The following ATP10A variants were observed in gnomAD, a reference collection of about 807,000 sequenced individuals.
ATP10A encodes the protein ATPase phospholipid transporting 10A (putative), also known as phospholipid-transporting ATPase VA.
In ATP10A, 111 loss-of-function variants were observed where a neutral mutation model predicts 147.8. The observed-to-expected ratio is 0.75, with a 90% CI of 0.64 to 0.88. The LOEUF (loss-of-function observed/expected upper bound fraction) is 0.88. Among genes scored for constraint, ATP10A ranks in the 40% least tolerant of loss-of-function variants. The pLI is 0.00. For missense variants in ATP10A, 1,927 were observed against 1,959.0 expected (o/e 0.98, Z 0.31); for synonymous variants, 875 against 841.6 (o/e 1.04, Z -0.69).
At chr15:25,787,738 T>G (rs1890236570) in intron 1 of ATP10A, among the ~76,000 whole-genome samples, 1 of 152,190 alleles carries the variant, frequency 6.6e-6, no homozygotes, top group Admixed American at 6.5e-5. Context: ...TCAGTCCATT[T>G]GCCAAAACCA....
At chr15:25,688,287 G>A (rs924392935) in intron 15 of ATP10A, among the ~76,000 whole-genome samples, 4 of 152,188 alleles carry the variant, frequency 2.6e-5, no homozygotes, top group Non-Finnish European at 5.9e-5. Context: ...CCTGGGAGGT[G>A]CATTTTGGGC....
Position 25,694,958 on chromosome 15 carries a change from G to A in ATP10A, c.2949C>T (p.Leu983=), listed in dbSNP as rs748707740. Residue 983 remains leucine (L), a synonymous_variant, in exon 14 of 21, where the codon CTC becomes CTT. Transcript: ENST00000555815. ...VIDGRSLAYA[L]EKNLEDKFLF... is the part of the protein sequence containing the mutation. Reference sequence around the variant, plus strand: ...GGAATTTGTCCTCCAGGTTTTTCTCGAGAGCGTAGGCCAGGCTTCTCCCAT... The same window carrying A: ...GGAATTTGTCCTCCAGGTTTTTCTCAAGAGCGTAGGCCAGGCTTCTCCCAT... 1.7e-5 allele frequency: 27 copies of A among 1,614,078 alleles called. No individual in the cohort carries two copies. Among genetic ancestry groups the A allele is most frequent in the Admixed American group, 6.7e-5 (4 of 60,004 alleles).
Position 25,748,900 on chromosome 15 carries a change from C to CA in ATP10A, c.655-12760dup, listed in dbSNP as rs763523700. On this transcript the variant is annotated intron_variant, in intron 2 of 20. Transcript: ENST00000555815. ...TGACACCCCATAGCTACTAAAAATA[C>CA]AAAAAAAAAAAAATTATCCGGGCGT... Among the ~76,000 whole-genome samples the CA allele has an allele frequency of 3.0e-3, 408 of 136,338 alleles. 1 individual carries two copies. The highest frequency in any genetic ancestry group is 3.6e-3 in the Middle Eastern group (1 of 276). 89.4% of individuals were successfully genotyped at this position (136,338 alleles called of 152,430 possible). A position where few individuals can be genotyped will look rare whatever the true frequency, so the allele number is the denominator to read the frequency against.
Position 25,716,851 on chromosome 15 carries a change from C to A in ATP10A, c.1655G>T (p.Arg552Met). Residue 552 changes from arginine to methionine, a missense_variant, in exon 9 of 21, where the codon AGG becomes ATG. Arg to Met is a moderately conservative substitution (Grantham distance 91). Coordinates refer to ENST00000555815, the MANE Select transcript of ATP10A (RefSeq NM_024490.4). ...SECDKSLAVARHQEHLLAHLS... is the reference protein window; with the variant it reads ...SECDKSLAVAMHQEHLLAHLS... ...GTGGGCCAGCAGGTGCTCCTGATGC[C>A]TCGCCACGGCTAGGCTCTTGTCACA... 6.2e-7 allele frequency: 1 copy of A among 1,610,732 alleles called. No individual in the cohort carries two copies. The highest frequency in any genetic ancestry group is 8.5e-7 in the Non-Finnish European group (1 of 1,178,616).
At chr15:25,850,700 C>A (rs1409750399) in intron 1 of ATP10A, among the ~76,000 whole-genome samples, 1 of 151,642 alleles carries the variant, frequency 6.6e-6, no homozygotes, top group African/African-American at 2.4e-5. Flanking sequence ...CCACGCCCAC[C>A]ACCCCCCAAG....
intron 1 of ATP10A, among the ~76,000 whole-genome samples, chr15:25,826,103 T>C (rs561856706): frequency 5.9e-5 from 9 of 152,190 alleles, no homozygotes; most frequent in Admixed American, 2.0e-4. Flanking sequence ...AACTTGAGAA[T>C]AGGTCAATTG....
chr15:25,732,010 C>T (rs1244200286), intron 3 of ATP10A, among the ~76,000 whole-genome samples: 2 of 152,062 alleles, frequency 1.3e-5, no homozygotes, highest in African/African-American at 2.4e-5. Context: ...TGTGCACCAC[C>T]ACACCCACAC....
intron 1 of ATP10A, among the ~76,000 whole-genome samples, chr15:25,843,482 G>A (rs570806659): frequency 2.0e-4 from 31 of 152,186 alleles, no homozygotes; most frequent in African/African-American, 6.7e-4. Flanking sequence ...TCCCAAACCA[G>A]AGCCCAGACT....
rs760295655 is a variant in ATP10A at position 25,727,198 on chromosome 15, C to T, written c.809G>A (p.Arg270Lys). The change falls in exon 4 of 21, where the codon AGG becomes AAG. Residue 270 changes from arginine (R) to lysine (K), a missense_variant. Arg to Lys is a conservative substitution (Grantham distance 26). Transcript: ENST00000555815. ...AATGCCGACGACTGCGTCCGTGTTCCTAAGGGTGCAGCCCCTCAGCAGCAG... is the reference window on the plus strand; with the variant it reads ...AATGCCGACGACTGCGTCCGTGTTCTTAAGGGTGCAGCCCCTCAGCAGCAG... Reference protein sequence around the residue: ...ENLLLRGCTLRNTDAVVGIVI... With the variant: ...ENLLLRGCTLKNTDAVVGIVI... 6.2e-7 allele frequency: 1 copy of T among 1,613,552 alleles called. No homozygotes were observed. The highest frequency in any genetic ancestry group is 8.5e-7 in the Non-Finnish European group (1 of 1,179,736).
chr15:25,829,673 AAAG>A (rs1355398534), intron 1 of ATP10A, among the ~76,000 whole-genome samples: 1 of 152,120 alleles, frequency 6.6e-6, no homozygotes, highest in Admixed American at 6.5e-5. Context: ...TGACACTGGG[AAAG>A]GTGCCTGAAC....
At chr15:25,747,044 T>C (rs1250021645) in intron 2 of ATP10A, among the ~76,000 whole-genome samples, 1 of 152,170 alleles carries the variant, frequency 6.6e-6, no homozygotes, top group East Asian at 1.9e-4. Flanking sequence ...CCCTACACTT[T>C]GGGAGGCCAA....
chr15:25,811,857 T>G (rs1210099557), intron 1 of ATP10A, among the ~76,000 whole-genome samples: 1 of 152,156 alleles, frequency 6.6e-6, no homozygotes, highest in Admixed American at 6.5e-5. Flanking sequence ...TGGCTGCACC[T>G]GCATGGACTG....
intron 1 of ATP10A, among the ~76,000 whole-genome samples, chr15:25,812,846 A>G (rs1258608864): frequency 1.3e-5 from 2 of 152,226 alleles, no homozygotes; most frequent in African/African-American, 4.8e-5. Flanking sequence ...TCACTAAGAT[A>G]GAATAAAAGT....
At chr15:25,688,607 G>T (rs1290605073) in intron 15 of ATP10A, among the ~76,000 whole-genome samples, 4 of 152,270 alleles carry the variant, frequency 2.6e-5, no homozygotes, top group South Asian at 4.2e-4. Context: ...AAACAAAGTG[G>T]CAGGAAAAGC....
chr15:25,814,201 T>A (rs1007455339), intron 1 of ATP10A, among the ~76,000 whole-genome samples: 1 of 152,152 alleles, frequency 6.6e-6, no homozygotes, highest in Non-Finnish European at 1.5e-5. Context: ...AATGTCCCAT[T>A]GGAAACAATG....
intron 15 of ATP10A, among the ~76,000 whole-genome samples, chr15:25,690,022 T>C (rs1007690727): frequency 2.6e-5 from 4 of 152,224 alleles, no homozygotes; most frequent in Non-Finnish European, 4.4e-5. Context: ...TGAACTATAG[T>C]TGACCCTTGA....
intron 7 of ATP10A, among the ~76,000 whole-genome samples, chr15:25,720,341 C>G (rs1020535718): frequency 6.6e-6 from 1 of 152,122 alleles, no homozygotes. Context: ...CTCTCTGAGT[C>G]GTTTTGAAAT....
chr15:25,794,143 C>A (rs1264227636), intron 1 of ATP10A, among the ~76,000 whole-genome samples: 1 of 152,148 alleles, frequency 6.6e-6, no homozygotes, highest in Non-Finnish European at 1.5e-5. Context: ...GGATTAAAAG[C>A]CAGACAGGCA....
At chr15:25,707,572 T>C (rs915119844) in intron 12 of ATP10A, among the ~76,000 whole-genome samples, 1 of 152,246 alleles carries the variant, frequency 6.6e-6, no homozygotes, top group East Asian at 1.9e-4. Flanking sequence ...GAGCCCATTT[T>C]CTTTTCATTC....
Sources: gnomAD v4.1 joint callset for allele counts (sites outside exome capture counted in the v4.1 genomes callset) on GRCh38, gnomAD v4.1.1 for gene constraint, MANE v1.5 for transcripts, NCBI Gene and HGNC (gene_info 2026-07-23, HGNC 2026-07-21) for gene names.